The following KLRG1 variants were observed in gnomAD, a reference collection of about 807,000 sequenced individuals.
The protein encoded by KLRG1 is killer cell lectin-like receptor subfamily G member 1.
Under a neutral mutation model 21.8 loss-of-function variants are expected in KLRG1, and 16 were observed. The observed-to-expected ratio is 0.73, with a 90% CI of 0.50 to 1.11. The LOEUF is 1.11. KLRG1 is among the 50% of genes most tolerant of loss of function. The pLI is 0.00. For synonymous variants in KLRG1, 69 were observed against 75.9 expected (o/e 0.91, Z 0.47); for missense variants, 173 against 218.3 (o/e 0.79, Z 1.31).
At chr12:9,096,001 C>T in the KLRG1 span, among the ~76,000 whole-genome samples, 2 of 151,798 alleles carry the variant, frequency 1.3e-5, no homozygotes, top group Admixed American at 6.6e-5. Context: ...CCTCATGATC[C>T]ACCCGCCTCG....
chr12:9,107,385 T>A, the KLRG1 span: 1 of 1,082,828 alleles, frequency 9.2e-7, no homozygotes, highest in Non-Finnish European at 1.3e-6. Flanking sequence ...AGTTCATGAT[T>A]TTTTTTGAAA....
chr12:9,209,567 G>A, the KLRG1 span, among the ~76,000 whole-genome samples: 1 of 151,896 alleles, frequency 6.6e-6, no homozygotes, highest in Non-Finnish European at 1.5e-5. Flanking sequence ...AGATGGCAAT[G>A]GTAGTGCTCT....
chr12:9,038,623 G>T, the KLRG1 span, among the ~76,000 whole-genome samples: 1 of 152,072 alleles, frequency 6.6e-6, no homozygotes, highest in East Asian at 1.9e-4. Flanking sequence ...CAAAATCATG[G>T]CCAGAGAACA....
chr12:9,110,455 A>C, the KLRG1 span: 4 of 536,348 alleles, frequency 7.5e-6, no homozygotes, highest in Non-Finnish European at 6.3e-6. Context: ...AAATAATTTA[A>C]TTGTACATTT....
the KLRG1 span, among the ~76,000 whole-genome samples, chr12:9,117,430 C>T: frequency 2.6e-5 from 4 of 152,114 alleles, no homozygotes; most frequent in African/African-American, 9.7e-5. Context: ...TTGAAAAGAG[C>T]TTGCAGATTT....
the KLRG1 span, among the ~76,000 whole-genome samples, chr12:9,049,372 G>A: frequency 6.6e-6 from 1 of 152,164 alleles, no homozygotes; most frequent in Non-Finnish European, 1.5e-5. Flanking sequence ...CACCAGGTAG[G>A]AAGGACCCAA....
At chr12:9,173,923 T>C in the KLRG1 span, among the ~76,000 whole-genome samples, 1 of 152,226 alleles carries the variant, frequency 6.6e-6, no homozygotes, top group Non-Finnish European at 1.5e-5. Flanking sequence ...GTACCATTTC[T>C]ACTAAAACTA....
At chr12:9,160,116 A>G in the KLRG1 span, 1 of 1,289,746 alleles carries the variant, frequency 7.8e-7, no homozygotes, top group African/African-American at 1.5e-5. Context: ...CGCCATGGAC[A>G]TTTTATGACC....
chr12:9,042,774 T>C, the KLRG1 span, among the ~76,000 whole-genome samples: 1 of 152,174 alleles, frequency 6.6e-6, no homozygotes, highest in Non-Finnish European at 1.5e-5. Flanking sequence ...CAAACTTTTA[T>C]AGTCAGGAAG....
chr12:9,192,262 A>G, the KLRG1 span: 3 of 1,613,662 alleles, frequency 1.9e-6, no homozygotes, highest in Middle Eastern at 1.6e-4. Context: ...ATGATCTGAA[A>G]TGAAAAAACA....
chr12:9,143,716 C>G, the KLRG1 span, among the ~76,000 whole-genome samples: 6 of 152,266 alleles, frequency 3.9e-5, no homozygotes, highest in South Asian at 1.2e-3. Flanking sequence ...CTGTCATTAT[C>G]TAATTTGCAC....
At chr12:9,083,958 G>A in the KLRG1 span, among the ~76,000 whole-genome samples, 1 of 152,174 alleles carries the variant, frequency 6.6e-6, no homozygotes, top group South Asian at 2.1e-4. Context: ...CACATACAAA[G>A]GAATTCCAAT....
At chr12:9,004,001 A>G (rs1278431805) in intron 3 of KLRG1, among the ~76,000 whole-genome samples, 4 of 151,572 alleles carry the variant, frequency 2.6e-5, no homozygotes, top group Non-Finnish European at 4.4e-5. Flanking sequence ...ATGATTTCCA[A>G]TTTCATCCAT....
At chr12:8,961,672 C>T (rs979854355) in intron 1 of KLRG1, among the ~76,000 whole-genome samples, 4 of 152,104 alleles carry the variant, frequency 2.6e-5, no homozygotes, top group East Asian at 1.9e-4. Flanking sequence ...CTGTCTGCCT[C>T]GGCCTCCCAA....
the KLRG1 span, chr12:9,153,431 G>A: frequency 1.8e-6 from 2 of 1,101,062 alleles, no homozygotes; most frequent in Non-Finnish European, 2.7e-6. Flanking sequence ...CCTACCATGA[G>A]GGAAGCTGGC....
At chr12:9,094,825 T>C in the KLRG1 span, 2 of 382,978 alleles carry the variant, frequency 5.2e-6, no homozygotes, top group South Asian at 2.0e-4. Context: ...TTTGAGTTTA[T>C]ATTACTATAT....
the KLRG1 span, chr12:9,152,382 C>T: frequency 2.8e-6 from 3 of 1,081,928 alleles, no homozygotes; most frequent in Non-Finnish European, 2.9e-6. Flanking sequence ...TTTCAAGCAT[C>T]ACTTTAAGCC....
In KLRG1 at chr12:9,008,603, G is replaced by GC. The variant is rs745826539; in HGVS notation, c.358-372_358-371insC. On this transcript the variant is annotated intron_variant, in intron 3 of 4. Transcript: ENST00000356986. ...TCAAGGTTCTCTGGCTCCTGGTGAG[G>GC]ACCTACTTCTGGCTTGCACATGGCT... is the stretch of plus-strand genomic sequence containing the variant. 4.3e-3 allele frequency among the ~76,000 whole-genome samples: 659 copies of GC among 152,276 alleles called. 4 individuals are homozygous for GC. Among genetic ancestry groups the GC allele is most frequent in the African/African-American group, 0.015 (621 of 41,562 alleles).
the KLRG1 span, chr12:9,208,252 GACTT>G: frequency 6.2e-7 from 1 of 1,609,852 alleles, no homozygotes; most frequent in Non-Finnish European, 8.5e-7. Context: ...TCTTGAGTGA[GACTT>G]ACGGTTCTGT....
Sources: gnomAD v4.1 joint callset for allele counts (sites outside exome capture counted in the v4.1 genomes callset) on GRCh38, gnomAD v4.1.1 for gene constraint, MANE v1.5 for transcripts, NCBI Gene and HGNC (gene_info 2026-07-23, HGNC 2026-07-21) for gene names.